The following MYH16 variants were observed in gnomAD, a reference collection of about 807,000 sequenced individuals.
MYH16 encodes the protein myosin heavy chain 16.
intron 20 of MYH16, among the ~76,000 whole-genome samples, chr7:99,276,117 G>C (rs1408208978): frequency 6.6e-6 from 1 of 152,232 alleles, no homozygotes; most frequent in Non-Finnish European, 1.5e-5. Flanking sequence ...AGATAGGCTG[G>C]GTCAATGAAA....
chr7:99,282,264 G>T (rs1792209033), intron 23 of MYH16, among the ~76,000 whole-genome samples: 1 of 152,138 alleles, frequency 6.6e-6, no homozygotes. Flanking sequence ...GACCTCAAGT[G>T]ATCCTCCCAC....
intron 3 of MYH16, among the ~76,000 whole-genome samples, chr7:99,248,678 T>C (rs1242328708): frequency 6.6e-6 from 1 of 152,238 alleles, no homozygotes; most frequent in Admixed American, 6.5e-5. Context: ...AGTCATGCTG[T>C]CCAGCCCTCT....
At chr7:99,307,197 T>A (rs901124062), downstream of MYH16, among the ~76,000 whole-genome samples, 3 of 152,186 alleles carry the variant, frequency 2.0e-5, no homozygotes, top group African/African-American at 7.2e-5. Context: ...CACAAGCTTA[T>A]GGCAATGTGT....
At chr7:99,277,931 GAGAGAGACAGAC>G (rs1449682773) in intron 21 of MYH16, among the ~76,000 whole-genome samples, 12 of 134,292 alleles carry the variant, frequency 8.9e-5, no homozygotes, top group South Asian at 7.0e-4. Flanking sequence ...GAGAGAGAGA[GAGAGAGACAGAC>G]AGACAGACAG....
chr7:99,258,815 A>AT (rs1427837559), intron 11 of MYH16, among the ~76,000 whole-genome samples: 1 of 151,860 alleles, frequency 6.6e-6, no homozygotes, highest in Non-Finnish European at 1.5e-5. Context: ...ACCACTAAAA[A>AT]AAAAAAGCTT....
Position 99,294,000 on chromosome 7 carries a change from T to C in MYH16, n.4150-18T>C, listed in dbSNP as rs1203302730. On this transcript the variant is annotated intron_variant and non_coding_transcript_variant, in intron 32 of 41. Coordinates refer to ENST00000439784, the Ensembl canonical transcript of MYH16. ...GTGCCTATGTTTCCTTGACAGCCCC[T>C]CTGGCCCTCATTTGCAGGAGGAAGC... 4.5e-6 allele frequency: 2 copies of C among 447,648 alleles called. No homozygotes were observed. Among genetic ancestry groups the C allele is most frequent in the African/African-American group, 4.0e-5 (2 of 49,550 alleles). 27.7% of individuals were successfully genotyped at this position (447,648 alleles called of 1,614,324 possible).
At position 99,289,106 on chromosome 7, in the gene MYH16, C is replaced by A. The variant is rs1792330314; in HGVS notation, n.3707-181C>A. 3.6e-5 allele frequency among the ~76,000 whole-genome samples: 5 copies of A among 139,326 alleles called. No individual in the cohort carries two copies. In the South Asian group the frequency reaches 1.1e-3, roughly 30 times the overall value. The allele number at this position is 139,326 out of a possible 152,430, so 91.4% of individuals were successfully genotyped here. On this transcript the variant is annotated intron_variant and non_coding_transcript_variant, in intron 29 of 41. Coordinates refer to ENST00000439784, the Ensembl canonical transcript of MYH16. ...TCCAGCCGGGGTGATGGAGTGATAC[C>A]CTGTCTCAAAAAAAAAAAAAAAATG...
intron 20 of MYH16, 89 bp from the exon 3 acceptor site, chr7:99,277,450 C>G: frequency 2.6e-6 from 1 of 381,014 alleles, no homozygotes; most frequent in Non-Finnish European, 5.3e-6. Context: ...GCTGTGAGGT[C>G]ACGCCTGAGG....
At chr7:99,240,231 G>C (rs1425005187) in intron 1 of MYH16, among the ~76,000 whole-genome samples, 1 of 152,050 alleles carries the variant, frequency 6.6e-6, no homozygotes, top group Admixed American at 6.6e-5. Flanking sequence ...GGTGACCTGT[G>C]TACGTTGCAA....
intron 40 of MYH16, among the ~76,000 whole-genome samples, chr7:99,305,033 T>A (rs1178673079): frequency 6.7e-6 from 1 of 150,330 alleles, no homozygotes; most frequent in Non-Finnish European, 1.5e-5. Context: ...AAAAAAAAAA[T>A]GTTAAATTAG....
At chr7:99,239,974 G>A (rs1361446343) in intron 1 of MYH16, among the ~76,000 whole-genome samples, 1 of 152,036 alleles carries the variant, frequency 6.6e-6, no homozygotes, top group East Asian at 1.9e-4. Flanking sequence ...CTTGGGCTCA[G>A]GAGTTTGAGA....
downstream of MYH16, among the ~76,000 whole-genome samples, chr7:99,309,753 G>T (rs1792733459): frequency 6.6e-6 from 1 of 152,258 alleles, no homozygotes; most frequent in Non-Finnish European, 1.5e-5. Context: ...CTCTGTCACA[G>T]CAAGGATCTA....
chr7:99,309,336 G>A (rs1441436394), downstream of MYH16, among the ~76,000 whole-genome samples: 4 of 152,110 alleles, frequency 2.6e-5, no homozygotes, highest in South Asian at 2.1e-4. Flanking sequence ...GTTACGATTC[G>A]CTATCTTTCA....
intron 1 of MYH16, among the ~76,000 whole-genome samples, chr7:99,240,418 G>A (rs547887862): frequency 1.1e-4 from 16 of 151,928 alleles, no homozygotes; most frequent in Admixed American, 2.0e-4. Flanking sequence ...CCTCCAAACC[G>A]CCTTCAAGGA....
At chr7:99,288,002 G>A (rs1792307803) in exon 29 of MYH16, 1 of 456,636 alleles carries the variant, frequency 2.2e-6, no homozygotes, top group Non-Finnish European at 4.4e-6. Context: ...AGAAGCACGT[G>A]GACTCCATGG....
At chr7:99,298,386 C>T (rs974647371) in intron 36 of MYH16, among the ~76,000 whole-genome samples, 2 of 152,150 alleles carry the variant, frequency 1.3e-5, no homozygotes, top group Non-Finnish European at 2.9e-5. Context: ...GCATGTGCCA[C>T]TGTGCCCAGC....
At chr7:99,240,279 A>G (rs1791652465) in intron 1 of MYH16, among the ~76,000 whole-genome samples, 1 of 152,114 alleles carries the variant, frequency 6.6e-6, no homozygotes, top group African/African-American at 2.4e-5. Context: ...AACCCACTGT[A>G]TCTGGCTCAT....
At chr7:99,291,486 C>G in intron 31 of MYH16, 36 bp downstream of exon 12, 1 of 453,916 alleles carries the variant, frequency 2.2e-6, no homozygotes, top group South Asian at 1.6e-5. Context: ...GGAGACAGAG[C>G]TGCCGCCTTA....
chr7:99,286,052 T>A (rs899700243), intron 27 of MYH16, among the ~76,000 whole-genome samples: 7 of 152,240 alleles, frequency 4.6e-5, no homozygotes, highest in African/African-American at 1.7e-4. Context: ...GAATCCTGGC[T>A]TCTCAAAGGT....
Sources: gnomAD v4.1 joint callset for allele counts (sites outside exome capture counted in the v4.1 genomes callset) on GRCh38, gnomAD v4.1.1 for gene constraint, MANE v1.5 for transcripts, NCBI Gene and HGNC (gene_info 2026-07-23, HGNC 2026-07-21) for gene names.